Variants in DLGAP2 observed in about 807,000 individuals in gnomAD.
The protein encoded by DLGAP2 is DLG associated protein 2, also known as disks large-associated protein 2.
Under a neutral mutation model 100.3 loss-of-function variants are expected in DLGAP2, and 26 were observed. The ratio of observed to expected loss-of-function variants is 0.26; its 90% confidence interval spans 0.19 to 0.36. DLGAP2 has a LOEUF of 0.36. Among genes scored for constraint, DLGAP2 ranks in the 10% least tolerant of loss-of-function variants. The pLI, the probability that DLGAP2 is intolerant of heterozygous loss-of-function variation, is 1.00. For synonymous variants in DLGAP2, 886 were observed against 630.1 expected (o/e 1.41, Z -6.08); for missense variants, 1,858 against 1,453.2 (o/e 1.28, Z -4.53).
chr8:1,294,332 G>T (rs944674010), intron 3 of DLGAP2, among the ~76,000 whole-genome samples: 1 of 152,176 alleles, frequency 6.6e-6, no homozygotes, highest in East Asian at 1.9e-4. Flanking sequence ...TTAGAACCTC[G>T]GAGAAGCCAG....
chr8:906,148 G>C (rs750818751), intron 1 of DLGAP2, among the ~76,000 whole-genome samples: 6 of 152,246 alleles, frequency 3.9e-5, no homozygotes, highest in Non-Finnish European at 7.3e-5. Flanking sequence ...AGAGCAGCTT[G>C]TGATTTCAGC....
At chr8:838,437 C>T (rs1490719714) in intron 1 of DLGAP2, among the ~76,000 whole-genome samples, 3 of 151,494 alleles carry the variant, frequency 2.0e-5, no homozygotes, top group Non-Finnish European at 4.4e-5. Flanking sequence ...TTTTAGTGCT[C>T]CCTGAAAAAT....
At chr8:1,088,949 TCCCCGGCC>T (rs1804075920) in intron 2 of DLGAP2, among the ~76,000 whole-genome samples, 1 of 107,034 alleles carries the variant, frequency 9.3e-6, no homozygotes, top group African/African-American at 4.0e-5. Context: ...CCATTCTCGC[TCCCCGGCC>T]TCACTCTCTC....
intron 1 of DLGAP2, among the ~76,000 whole-genome samples, chr8:834,212 G>T (rs1796831799): frequency 6.6e-6 from 1 of 152,214 alleles, no homozygotes; most frequent in African/African-American, 2.4e-5. Context: ...GGGCTGACGA[G>T]TCCCAGTAGA....
At chr8:1,183,965 AAAT>A (rs1242287114) in intron 2 of DLGAP2, among the ~76,000 whole-genome samples, 2 of 152,204 alleles carry the variant, frequency 1.3e-5, no homozygotes, top group Admixed American at 6.5e-5. Flanking sequence ...ATATATGTAA[AAAT>A]GATATTTGGC....
At chr8:795,990 T>C (rs1347122180) in intron 1 of DLGAP2, among the ~76,000 whole-genome samples, 7 of 109,284 alleles carry the variant, frequency 6.4e-5, no homozygotes, top group African/African-American at 2.2e-4. Flanking sequence ...TGAGAGCAGC[T>C]GTCCAGTGAG....
intron 1 of DLGAP2, among the ~76,000 whole-genome samples, chr8:784,170 A>G (rs1258744028): frequency 6.6e-6 from 1 of 152,254 alleles, no homozygotes; most frequent in Non-Finnish European, 1.5e-5. Flanking sequence ...TAAGAGATGT[A>G]TTTCCAATTC....
chr8:898,178 T>G (rs1294602706), intron 1 of DLGAP2, among the ~76,000 whole-genome samples: 4 of 152,202 alleles, frequency 2.6e-5, no homozygotes, highest in Non-Finnish European at 4.4e-5. Context: ...GCTGTTCTTG[T>G]CTGTGACCTG....
At chr8:925,889 T>C (rs2129002302) in intron 2 of DLGAP2, among the ~76,000 whole-genome samples, 1 of 152,226 alleles carries the variant, frequency 6.6e-6, no homozygotes, top group South Asian at 2.1e-4. Context: ...ATAAAATGTA[T>C]TTTAATTAAT....
Position 1,524,926 on chromosome 8 carries a change from G to A in DLGAP2, c.172+23495G>A, listed in dbSNP as rs184828494. On this transcript the variant is annotated intron_variant, in intron 4 of 14. Transcript: ENST00000637795. ...TGCACACCCTTGGCCATTTGTCCCC[G>A]GTTATTTGTTGGTATTTTTCTTCTT... Among the ~76,000 whole-genome samples, 8 of 152,114 alleles carry A rather than the reference G, an allele frequency of 5.3e-5. No homozygotes were observed. In the East Asian group the frequency reaches 1.4e-3, roughly 26 times the overall value.
intron 3 of DLGAP2, among the ~76,000 whole-genome samples, chr8:1,357,070 CTT>C (rs1801870648): frequency 6.7e-6 from 1 of 148,174 alleles, no homozygotes; most frequent in Non-Finnish European, 1.5e-5. Context: ...TGTTTGCAGA[CTT>C]TGATCCAATG....
intron 1 of DLGAP2, chr8:822,128 G>A (rs1001649764): frequency 1.3e-5 from 5 of 399,578 alleles, no homozygotes; most frequent in South Asian, 1.3e-4. Context: ...CTAGCCCTGC[G>A]CGGCTTCCCT....
At chr8:1,433,420 A>G in intron 3 of DLGAP2, among the ~76,000 whole-genome samples, 1 of 152,174 alleles carries the variant, frequency 6.6e-6, no homozygotes, top group East Asian at 1.9e-4. Flanking sequence ...AGGCCCAAGC[A>G]CCCGAACCAC....
intron 3 of DLGAP2, among the ~76,000 whole-genome samples, chr8:1,293,786 C>T (rs941927590): frequency 5.9e-5 from 9 of 152,238 alleles, no homozygotes; most frequent in African/African-American, 9.6e-5. Flanking sequence ...TCTCCTTCTT[C>T]ACTTATTAAA....
At chr8:1,063,267 T>C (rs1221638671) in intron 2 of DLGAP2, among the ~76,000 whole-genome samples, 1 of 152,230 alleles carries the variant, frequency 6.6e-6, no homozygotes, top group Non-Finnish European at 1.5e-5. Context: ...GACTGTCCTC[T>C]GTTCTGTCTG....
At chr8:1,439,654 G>A (rs977269417) in intron 3 of DLGAP2, among the ~76,000 whole-genome samples, 4 of 152,130 alleles carry the variant, frequency 2.6e-5, no homozygotes, top group African/African-American at 9.7e-5. Context: ...CAGAGAGACA[G>A]GGTCTCGAAA....
intron 5 of DLGAP2, among the ~76,000 whole-genome samples, chr8:1,560,028 T>C (rs1802106918): frequency 6.6e-6 from 1 of 152,238 alleles, no homozygotes; most frequent in African/African-American, 2.4e-5. Flanking sequence ...GTCCATCTCC[T>C]GTACCGAATT....
intron 3 of DLGAP2, among the ~76,000 whole-genome samples, chr8:1,382,761 G>C (rs114970006): frequency 6.6e-6 from 1 of 152,146 alleles, no homozygotes; most frequent in African/African-American, 2.4e-5. Context: ...AAAAACAAAA[G>C]AAATGTGTAT....
intron 1 of DLGAP2, among the ~76,000 whole-genome samples, chr8:766,224 C>T (rs13281655): frequency 0.059 from 8,960 of 152,266 alleles, 684 homozygotes; most frequent in African/African-American, 0.18. Flanking sequence ...CATGCAATCA[C>T]ACACAGCTGC....
Sources: gnomAD v4.1 joint callset for allele counts (sites outside exome capture counted in the v4.1 genomes callset) on GRCh38, gnomAD v4.1.1 for gene constraint, MANE v1.5 for transcripts, NCBI Gene and HGNC (gene_info 2026-07-23, HGNC 2026-07-21) for gene names.